Variants in ERAP1 observed in about 807,000 individuals in gnomAD.
ERAP1 encodes adipocyte-derived leucine aminopeptidase.
Under a neutral mutation model 103.7 loss-of-function variants are expected in ERAP1, and 86 were observed. The ratio of observed to expected loss-of-function variants is 0.83; its 90% CI spans 0.70 to 0.99. The LOEUF is 0.99. Ranked by LOEUF, ERAP1 falls within the 50% of genes least tolerant of loss-of-function variation. ERAP1 has a pLI of 0.00. For synonymous variants in ERAP1, 398 were observed against 402.4 expected, an observed-to-expected ratio of 0.99 and a Z score of 0.13; for missense variants, 1,009 against 1,128.4, an observed-to-expected ratio of 0.89 and a Z score of 1.52.
chr5:96,767,362 A>AATT (rs1325332672), intron 19 of ERAP1: 9 of 1,196,974 alleles, frequency 7.5e-6, no homozygotes, highest in Non-Finnish European at 1.1e-5. Flanking sequence ...ATGGGACAAT[A>AATT]GATTCTCTAC....
At chr5:96,913,406 A>G in the ERAP1 span, 2 of 1,614,176 alleles carry the variant, frequency 1.2e-6, no homozygotes, top group Non-Finnish European at 1.7e-6. Flanking sequence ...CCAAAGGGGC[A>G]GCAACTAGCA....
chr5:96,854,729 A>G, the ERAP1 span, among the ~76,000 whole-genome samples: 8 of 152,334 alleles, frequency 5.3e-5, 1 homozygote, highest in African/African-American at 2.4e-5. Flanking sequence ...GGCATTTGCC[A>G]TAAAATTTCA....
chr5:96,775,433 G>A lies in ERAP1; in HGVS notation c.*963C>T. ...AAGTAGGCCAAATAAGAAGCAGAGAGAGAAAAAAAATCACCTCCCTAAGAA... is the reference window on the plus strand; with the variant it reads ...AAGTAGGCCAAATAAGAAGCAGAGAAAGAAAAAAAATCACCTCCCTAAGAA... On this transcript the variant is annotated 3_prime_UTR_variant, in exon 19 of 19. Transcript: ENST00000443439. 1.0e-6 allele frequency: 1 copy of A among 985,410 alleles called. No individual in the cohort carries two copies. The highest frequency in any genetic ancestry group is 1.2e-6 in the Non-Finnish European group (1 of 829,878). 61.0% of individuals were successfully genotyped at this position (985,410 alleles called of 1,614,324 possible). A position where few individuals can be genotyped will look rare whatever the true frequency, so the allele number is the denominator to read the frequency against.
chr5:96,831,134 C>T, the ERAP1 span, among the ~76,000 whole-genome samples: 1 of 152,160 alleles, frequency 6.6e-6, no homozygotes, highest in African/African-American at 2.4e-5. Context: ...CTGAGGAGGC[C>T]TCAGGAACTT....
At chr5:96,892,000 C>T in the ERAP1 span, among the ~76,000 whole-genome samples, 30 of 152,064 alleles carry the variant, frequency 2.0e-4, no homozygotes, top group Non-Finnish European at 3.2e-4. Flanking sequence ...AAATTATTTT[C>T]TTGGCAGTAA....
the ERAP1 span, among the ~76,000 whole-genome samples, chr5:96,885,718 T>C: frequency 6.6e-6 from 1 of 151,924 alleles, no homozygotes; most frequent in Non-Finnish European, 1.5e-5. Context: ...GAAGAGCCTG[T>C]CTAGGAGTTG....
At chr5:96,797,023 A>C (rs1777416499) in intron 4 of ERAP1, 152 bp downstream of exon 4, 3 of 838,918 alleles carry the variant, frequency 3.6e-6, no homozygotes, top group African/African-American at 3.4e-5. Flanking sequence ...CCCTGGCCTC[A>C]AGTGATTCTT....
chr5:96,880,347 C>A, the ERAP1 span: 1 of 1,210,020 alleles, frequency 8.3e-7, no homozygotes, highest in Non-Finnish European at 1.1e-6. Flanking sequence ...CTTCAGCAGC[C>A]ATTTATGAGA....
At chr5:96,783,030 G>A in intron 15 of ERAP1, 21 bp downstream of exon 15, 1 of 1,612,072 alleles carries the variant, frequency 6.2e-7, no homozygotes, top group Non-Finnish European at 8.5e-7. Context: ...TCAACAAATT[G>A]GTTATTTAGT....
At chr5:96,836,842 T>C in the ERAP1 span, among the ~76,000 whole-genome samples, 8 of 152,348 alleles carry the variant, frequency 5.3e-5, no homozygotes, top group South Asian at 2.1e-4. Context: ...TGTATCAAAA[T>C]GTGTAATGTA....
the ERAP1 span, among the ~76,000 whole-genome samples, chr5:96,878,876 C>T: frequency 6.6e-6 from 1 of 151,956 alleles, no homozygotes; most frequent in Admixed American, 6.6e-5. Flanking sequence ...TGCAGTGAGC[C>T]AAGATAGTGC....
chr5:96,797,723 A>G (rs1334417870), intron 3 of ERAP1, among the ~76,000 whole-genome samples: 1 of 152,238 alleles, frequency 6.6e-6, no homozygotes, highest in Non-Finnish European at 1.5e-5. Flanking sequence ...TATAATTTAG[A>G]CATTAACGTC....
At chr5:96,840,925 C>T in the ERAP1 span, among the ~76,000 whole-genome samples, 1 of 152,100 alleles carries the variant, frequency 6.6e-6, no homozygotes. Context: ...AGGATGGTCT[C>T]GATCTCCTGA....
the ERAP1 span, among the ~76,000 whole-genome samples, chr5:96,815,409 T>TTTTTG: frequency 1.2e-3 from 128 of 108,942 alleles, 3 homozygotes; most frequent in South Asian, 2.2e-3. Flanking sequence ...TTTGTTTTGT[T>TTTTTG]TTTTATTTTT....
At chr5:96,837,282 C>T in the ERAP1 span, among the ~76,000 whole-genome samples, 149,553 of 152,380 alleles carry the variant, frequency 0.98, 73,442 homozygotes, top group East Asian at 1. Flanking sequence ...AATTTAGATA[C>T]AGAGATAACA....
At chr5:96,810,955 C>T (rs1443807105), upstream of ERAP1, among the ~76,000 whole-genome samples, 1 of 152,140 alleles carries the variant, frequency 6.6e-6, no homozygotes, top group East Asian at 1.9e-4. Context: ...GTGTAGAAAA[C>T]AGACAAAAGC....
the ERAP1 span, chr5:96,896,412 A>C: frequency 1.1e-5 from 17 of 1,612,628 alleles, 1 homozygote; most frequent in African/African-American, 2.1e-4. Flanking sequence ...AGTAATTACA[A>C]AAGATTCATT....
the ERAP1 span, among the ~76,000 whole-genome samples, chr5:96,832,779 TGTTCTTCCAC>T: frequency 5.0e-4 from 76 of 152,370 alleles, no homozygotes; most frequent in Middle Eastern, 3.4e-3. Flanking sequence ...ATTTTATCGA[TGTTCTTCCAC>T]ACTGCTTGAA....
chr5:96,808,738 A>G (rs574511906), upstream of ERAP1, among the ~76,000 whole-genome samples: 495 of 152,338 alleles, frequency 3.2e-3, 2 homozygotes, highest in African/African-American at 0.011. Context: ...AAAATGGCCA[A>G]AAAGACCATC....
Sources: allele counts gnomAD v4.1 joint callset (sites outside exome capture counted in the v4.1 genomes callset), GRCh38; gene constraint gnomAD v4.1.1; transcripts MANE v1.5; gene names NCBI Gene and HGNC (gene_info 2026-07-23, HGNC 2026-07-21).